PCDH7: variants seen among roughly 807,000 people sequenced by gnomAD.
The protein encoded by PCDH7 is protocadherin 7, also known as protocadherin-7.
In PCDH7, 17 loss-of-function variants were observed where a neutral mutation model predicts 58.9. That is an observed-to-expected ratio of 0.29 (90% CI 0.20 to 0.43). PCDH7 has a LOEUF of 0.43. PCDH7 is among the 20% of genes least tolerant of loss of function. The pLI is 1.00. For synonymous variants in PCDH7, 664 were observed against 616.4 expected (o/e 1.08, Z -1.14); for missense variants, 1,274 against 1,441.0 (o/e 0.88, Z 1.88).
chr4:31,076,345 C>T (rs1758987710), intron 3 of PCDH7, among the ~76,000 whole-genome samples: 1 of 152,088 alleles, frequency 6.6e-6, no homozygotes, highest in African/African-American at 2.4e-5. Flanking sequence ...TATTTAAATT[C>T]CTTTTGTGGC....
At chr4:30,752,673 A>T (rs1393591064) in intron 1 of PCDH7, among the ~76,000 whole-genome samples, 7 of 140,886 alleles carry the variant, frequency 5.0e-5, no homozygotes, top group Middle Eastern at 3.7e-3. Flanking sequence ...GTTTTCTTTC[A>T]TTGCTGAAGG....
intron 1 of PCDH7, among the ~76,000 whole-genome samples, chr4:30,885,702 C>T (rs1301020626): frequency 1.3e-5 from 2 of 152,144 alleles, no homozygotes; most frequent in African/African-American, 4.8e-5. Flanking sequence ...GGAGGCATCA[C>T]TCTACCTGAC....
chr4:31,105,826 T>A (rs1715483870), intron 3 of PCDH7, among the ~76,000 whole-genome samples: 1 of 151,822 alleles, frequency 6.6e-6, no homozygotes, highest in African/African-American at 2.4e-5. Context: ...GCTAACATGG[T>A]GAAACCCCGT....
chr4:31,114,783 C>T (rs1282125260), intron 3 of PCDH7, among the ~76,000 whole-genome samples: 1 of 151,954 alleles, frequency 6.6e-6, no homozygotes, highest in Non-Finnish European at 1.5e-5. Flanking sequence ...AAGCAAAATT[C>T]CTGTTATTTA....
Position 30,902,622 on chromosome 4 carries a change from G to A in PCDH7, c.71-17531G>A, listed in dbSNP as rs549546549. On this transcript the variant is annotated intron_variant, in intron 1 of 3. Transcript: ENST00000509759. ...GTTATCATTTTAGTGCTTCTGAAGT[G>A]AAAATTAAGATATTAGTGAAGTAAT... Among the ~76,000 whole-genome samples, 35 of 151,970 alleles carry A rather than the reference G, an allele frequency of 2.3e-4. No homozygotes were observed. The South Asian group carries it at 6.2e-3, about 27-fold the overall frequency.
intron 3 of PCDH7, among the ~76,000 whole-genome samples, chr4:31,044,801 G>T (rs577209866): frequency 3.5e-4 from 53 of 152,008 alleles, no homozygotes; most frequent in African/African-American, 1.3e-3. Flanking sequence ...ATAAAAATAA[G>T]ATTCACTATA....
In PCDH7 at chr4:31,123,314, TTCTA is replaced by T. The variant is rs900448562; in HGVS notation, c.*8-19152_*8-19149del. ...AATATTCGATACTTAAGAATCAATA[TTCTA>T]TCTATCAAATATGTGTGGGAGAAAG... On this transcript the variant is annotated intron_variant, in intron 3 of 3. Transcript: ENST00000509759. Among the ~76,000 whole-genome samples the T allele has an allele frequency of 2.7e-4, 41 of 152,318 alleles. 1 individual carries two copies. Among genetic ancestry groups the T allele is most frequent in the Admixed American group, 2.6e-3 (39 of 15,292 alleles).
intron 3 of PCDH7, among the ~76,000 whole-genome samples, chr4:30,972,743 A>T (rs759704173): frequency 3.3e-5 from 5 of 152,190 alleles, no homozygotes; most frequent in Non-Finnish European, 7.3e-5. Flanking sequence ...ATCTAACATG[A>T]CATATAAAAA....
chr4:31,032,375 A>G (rs191491826), intron 3 of PCDH7, among the ~76,000 whole-genome samples: 40 of 152,294 alleles, frequency 2.6e-4, no homozygotes, highest in African/African-American at 9.6e-4. Context: ...TGGGAGGCCA[A>G]GGCGGGTGGA....
At chr4:30,996,742 G>T (rs943720040) in intron 3 of PCDH7, among the ~76,000 whole-genome samples, 1 of 152,160 alleles carries the variant, frequency 6.6e-6, no homozygotes, top group African/African-American at 2.4e-5. Flanking sequence ...GAATAACTAG[G>T]TTTAATTATA....
chr4:30,924,064 T>C (rs73812691), intron 2 of PCDH7, among the ~76,000 whole-genome samples: 2,120 of 152,306 alleles, frequency 0.014, 46 homozygotes, highest in African/African-American at 0.047. Flanking sequence ...AATTACGCAG[T>C]AGTCTTCAGA....
chr4:30,742,052 G>T (rs941302451), intron 1 of PCDH7, among the ~76,000 whole-genome samples: 1 of 152,156 alleles, frequency 6.6e-6, no homozygotes, highest in Non-Finnish European at 1.5e-5. Context: ...TATTCATTCA[G>T]ACAAGTGGCA....
intron 1 of PCDH7, among the ~76,000 whole-genome samples, chr4:30,844,448 T>C (rs1322282224): frequency 6.6e-6 from 1 of 152,210 alleles, no homozygotes; most frequent in Non-Finnish European, 1.5e-5. Flanking sequence ...CTGTGAACTC[T>C]GTGGATTCTA....
intron 1 of PCDH7, among the ~76,000 whole-genome samples, chr4:30,860,452 C>T (rs1458920120): frequency 6.6e-6 from 1 of 151,852 alleles, no homozygotes; most frequent in Non-Finnish European, 1.5e-5. Flanking sequence ...TAGCATCAGC[C>T]ATATTTTCAA....
intron 3 of PCDH7, among the ~76,000 whole-genome samples, chr4:31,132,424 C>T (rs955021560): frequency 2.0e-5 from 3 of 151,982 alleles, no homozygotes; most frequent in African/African-American, 7.2e-5. Context: ...AAGTAAACAT[C>T]CATTCCTGAA....
At chr4:31,044,363 G>T (rs1481062861) in intron 3 of PCDH7, among the ~76,000 whole-genome samples, 1 of 151,932 alleles carries the variant, frequency 6.6e-6, no homozygotes, top group Non-Finnish European at 1.5e-5. Flanking sequence ...CATTTATATA[G>T]TGTAAATTTT....
rs1578230889 is a variant in PCDH7, at chr4:30,903,370, A to T, written c.71-16783A>T. Reference sequence around the variant, plus strand: ...ACTCTCTCCAGTGAAAATTAGGCCAATCCTGAAAATAAAGACGTTTATTAT... The same window carrying T: ...ACTCTCTCCAGTGAAAATTAGGCCATTCCTGAAAATAAAGACGTTTATTAT... On this transcript the variant is annotated intron_variant, in intron 1 of 3. Transcript: ENST00000509759. Among the ~76,000 whole-genome samples, 5 of 152,230 alleles carry T rather than the reference A, an allele frequency of 3.3e-5. No homozygotes were observed. In the East Asian group the frequency reaches 9.7e-4, roughly 29 times the overall value.
chr4:30,859,322 G>A (rs557611206), intron 1 of PCDH7, among the ~76,000 whole-genome samples: 104 of 152,114 alleles, frequency 6.8e-4, no homozygotes, highest in African/African-American at 2.5e-3. Context: ...ATCAGATTAG[G>A]TCAATAATCT....
intron 3 of PCDH7, among the ~76,000 whole-genome samples, chr4:31,076,928 A>T (rs1213986604): frequency 1.3e-5 from 2 of 152,184 alleles, no homozygotes; most frequent in Non-Finnish European, 2.9e-5. Context: ...TTAGTGATAA[A>T]ACACTGGAAG....
Sources: allele counts gnomAD v4.1 joint callset (sites outside exome capture counted in the v4.1 genomes callset), GRCh38; gene constraint gnomAD v4.1.1; transcripts MANE v1.5; gene names NCBI Gene and HGNC (gene_info 2026-07-23, HGNC 2026-07-21).